RP1: variants seen among roughly 807,000 people sequenced by gnomAD.
RP1 encodes the protein RP1 axonemal microtubule associated, also known as oxygen-regulated protein 1.
RP1 carries 16 observed loss-of-function variants against 14.8 expected under a neutral mutation model. The ratio of observed to expected loss-of-function variants is 1.08; its 90% CI spans 0.73 to 1.65. RP1 has a LOEUF of 1.65. Ranked by LOEUF, RP1 falls within the 40% of genes most tolerant of loss-of-function variation. The probability of loss-of-function intolerance (pLI) is 0.00; values close to 1 mark genes in which losing one functional copy is unlikely to be tolerated. For missense variants in RP1, 2,631 were observed against 2,535.0 expected (o/e 1.04, Z -0.81); for synonymous variants, 876 against 883.6 (o/e 0.99, Z 0.15).
At chr8:54,741,498 A>AT (rs1239376012) in intron 19 of RP1, among the ~76,000 whole-genome samples, 2 of 151,894 alleles carry the variant, frequency 1.3e-5, no homozygotes, top group East Asian at 3.9e-4. Flanking sequence ...GCCTGTGATC[A>AT]ATAAGCTATA....
rs562732856 is a variant in RP1, at chr8:54,762,973, C to G, written c.3248+3897C>G. ...CTGTCGTCATTGGACTAGACCCATC[C>G]TACTCCAGTATGGCCTCATCTTTAC... On this transcript the variant is annotated intron_variant, in intron 22 of 22. Coordinates refer to the RP1 transcript ENST00000636932. Among the ~76,000 whole-genome samples the G allele has an allele frequency of 6.6e-5, 10 of 152,292 alleles. No homozygotes were observed. The South Asian group carries it at 2.1e-3, about 32-fold the overall frequency.
chr8:54,706,142 A>G (rs1808145139), intron 14 of RP1, among the ~76,000 whole-genome samples: 1 of 152,104 alleles, frequency 6.6e-6, no homozygotes, highest in Non-Finnish European at 1.5e-5. Flanking sequence ...TATTAACATT[A>G]TTTGTTTAAG....
Position 54,626,833 on chromosome 8 carries a change from A to T in RP1, c.2951A>T (p.Asp984Val). ...ACTAAAATTGCCGGTTTGACAGGAG[A>T]TAATCTATGTAAAGAGGGAGATAAG... ...HITKIAGLTGDNLCKEGDKSF... is the reference protein window; with the variant it reads ...HITKIAGLTGVNLCKEGDKSF... The change falls in exon 4 of 4, where the codon GAT (aspartate) becomes GTT (valine). Residue 984 changes from aspartate (D) to valine (V), a missense_variant. Physicochemically the swap from Asp to Val is radical, Grantham distance 152 (BLOSUM62 -3). Transcript: ENST00000220676. The T allele has an allele frequency of 6.2e-7, 1 of 1,613,866 alleles. No individual in the cohort carries two copies. The highest frequency in any genetic ancestry group is 8.5e-7 in the Non-Finnish European group (1 of 1,179,944).
At chr8:54,790,512 A>C (rs1348201817) in intron 24 of RP1, among the ~76,000 whole-genome samples, 1 of 152,014 alleles carries the variant, frequency 6.6e-6, no homozygotes, top group Non-Finnish European at 1.5e-5. Flanking sequence ...AGATCTACGA[A>C]CTGTTTGACA....
intron 16 of RP1, among the ~76,000 whole-genome samples, chr8:54,724,110 A>T (rs923979490): frequency 2.6e-5 from 4 of 152,208 alleles, no homozygotes; most frequent in Non-Finnish European, 4.4e-5. Flanking sequence ...GCTTCATTCT[A>T]GTCTGCTAAG....
chr8:54,602,914 G>T (rs371358472), intron 1 of RP1, among the ~76,000 whole-genome samples: 9 of 151,988 alleles, frequency 5.9e-5, no homozygotes, highest in South Asian at 2.1e-4. Context: ...TTTGTTTGAG[G>T]TCATTGTAGA....
At chr8:54,826,017 A>G (rs1205527822) in intron 24 of RP1, among the ~76,000 whole-genome samples, 1 of 152,128 alleles carries the variant, frequency 6.6e-6, no homozygotes, top group Non-Finnish European at 1.5e-5. Context: ...GCAGTGAAGC[A>G]GGATTGTAAC....
At chr8:54,845,902 C>T (rs1032131221) in intron 25 of RP1, among the ~76,000 whole-genome samples, 3 of 152,140 alleles carry the variant, frequency 2.0e-5, no homozygotes, top group African/African-American at 7.2e-5. Flanking sequence ...CCTGAAACAT[C>T]TACTGGTCCT....
intron 12 of RP1, among the ~76,000 whole-genome samples, chr8:54,694,305 C>T (rs1807799398): frequency 6.6e-6 from 1 of 152,078 alleles, no homozygotes; most frequent in Admixed American, 6.6e-5. Context: ...CTCTGCCAGG[C>T]TTTGGTATCA....
At chr8:54,728,742 T>C (rs1234689465) in intron 17 of RP1, among the ~76,000 whole-genome samples, 1 of 152,324 alleles carries the variant, frequency 6.6e-6, no homozygotes, top group East Asian at 1.9e-4. Flanking sequence ...TAAACTGCAT[T>C]ATGATATTAA....
chr8:54,839,411 C>A (rs1405213000), intron 25 of RP1, among the ~76,000 whole-genome samples: 1 of 152,148 alleles, frequency 6.6e-6, no homozygotes, highest in Non-Finnish European at 1.5e-5. Context: ...CTGGTGTGAG[C>A]CAGGAGTAAT....
intron 12 of RP1, among the ~76,000 whole-genome samples, chr8:54,693,825 A>C (rs1367531928): frequency 1.3e-5 from 2 of 152,004 alleles, no homozygotes; most frequent in East Asian, 1.9e-4. Flanking sequence ...TCTCCTGCCT[A>C]ATTGCCCTGG....
At position 54,626,495 on chromosome 8, in the gene RP1, A is replaced by C; in HGVS notation, c.2613A>C (p.Lys871Asn). The C allele has an allele frequency of 6.2e-7, 1 of 1,613,778 alleles. No homozygotes were observed. The highest frequency in any genetic ancestry group is 8.5e-7 in the Non-Finnish European group (1 of 1,179,874). ...DSHITLKSQK[K>N]RKGDKVKASA... is the part of the protein sequence containing the mutation. ...ACATAACTTTAAAAAGCCAGAAAAA[A>C]CGTAAAGGGGATAAAGTGAAAGCAA... is the stretch of plus-strand genomic sequence containing the variant. The change falls in exon 4 of 4, where the codon AAA becomes AAC. Residue 871 changes from lysine (K) to asparagine (N), a missense_variant. Transcript: ENST00000220676.
intron 24 of RP1, among the ~76,000 whole-genome samples, chr8:54,804,201 T>G (rs1019303287): frequency 2.0e-5 from 3 of 152,144 alleles, no homozygotes; most frequent in Non-Finnish European, 4.4e-5. Flanking sequence ...TGAATAAACT[T>G]TGTTTTGCAA....
chr8:54,848,220 C>G (rs1811976314), intron 25 of RP1, among the ~76,000 whole-genome samples: 1 of 152,146 alleles, frequency 6.6e-6, no homozygotes, highest in Admixed American at 6.5e-5. Flanking sequence ...GCTGAGGCAG[C>G]AGGTGGAGCT....
At chr8:54,722,394 C>T (rs1172861995) in intron 16 of RP1, among the ~76,000 whole-genome samples, 2 of 151,868 alleles carry the variant, frequency 1.3e-5, no homozygotes, top group Non-Finnish European at 2.9e-5. Context: ...CCTCAGCCTC[C>T]CGAGTATCTG....
chr8:54,771,117 A>AT (rs887214995), downstream of RP1, among the ~76,000 whole-genome samples: 3 of 152,172 alleles, frequency 2.0e-5, no homozygotes, highest in Non-Finnish European at 4.4e-5. Flanking sequence ...TTATCTATTT[A>AT]TATTAGGAAC....
At chr8:54,719,974 G>A (rs1395152341) in intron 15 of RP1, among the ~76,000 whole-genome samples, 2 of 152,128 alleles carry the variant, frequency 1.3e-5, no homozygotes, top group Non-Finnish European at 2.9e-5. Context: ...TTGTGAAATA[G>A]GATGAAGCAC....
intron 24 of RP1, among the ~76,000 whole-genome samples, chr8:54,812,428 A>C (rs1811020380): frequency 6.6e-6 from 1 of 152,210 alleles, no homozygotes; most frequent in Admixed American, 6.5e-5. Flanking sequence ...GGCGTGAGCC[A>C]CTGTGCTTGG....
Sources: gnomAD v4.1 joint callset for allele counts (sites outside exome capture counted in the v4.1 genomes callset) on GRCh38, gnomAD v4.1.1 for gene constraint, MANE v1.5 for transcripts, NCBI Gene and HGNC (gene_info 2026-07-23, HGNC 2026-07-21) for gene names.